Variants in PTPRT observed in about 807,000 individuals in gnomAD.
PTPRT encodes receptor-type tyrosine-protein phosphatase T.
A neutral mutation model predicts 176.8 loss-of-function variants in PTPRT; 56 were observed. The observed-to-expected ratio is 0.32, with a 90% CI of 0.26 to 0.40. The LOEUF (loss-of-function observed/expected upper bound fraction) is 0.40. PTPRT is among the 10% of genes least tolerant of loss of function. The pLI, the probability that PTPRT is intolerant of heterozygous loss-of-function variation, is 1.00. For missense variants in PTPRT, 1,540 were observed against 1,908.2 expected, an observed-to-expected ratio of 0.81 and a Z score of 3.60; for synonymous variants, 783 against 739.0, an observed-to-expected ratio of 1.06 and a Z score of -0.96.
chr20:42,511,018 G>A (rs1017736548), intron 7 of PTPRT, among the ~76,000 whole-genome samples: 2 of 151,988 alleles, frequency 1.3e-5, no homozygotes, highest in African/African-American at 4.8e-5. Context: ...TGGATTAAGG[G>A]GTTATCATGG....
intron 5 of PTPRT, among the ~76,000 whole-genome samples, chr20:42,767,653 T>C (rs2077001316): frequency 6.8e-6 from 1 of 147,970 alleles, no homozygotes; most frequent in South Asian, 2.1e-4. Flanking sequence ...AAATATATAT[T>C]AATATATACT....
In PTPRT at chr20:43,020,123, TATATAC is replaced by T. The variant is rs1168004642; in HGVS notation, c.89-134197_89-134192del. Among the ~76,000 whole-genome samples the T allele has an allele frequency of 8.3e-3, 1,146 of 137,928 alleles. 8 individuals carry two copies. Among genetic ancestry groups the T allele is most frequent in the African/African-American group, 0.031 (954 of 31,144 alleles). The allele number at this position is 137,928 out of a possible 152,430, so 90.5% of individuals were successfully genotyped here. A position where few individuals can be genotyped will look rare whatever the true frequency, so the allele number is the denominator to read the frequency against. On this transcript the variant is annotated intron_variant, in intron 1 of 30. Transcript: ENST00000373187. ...GTGTGTGTGTGTGTATATATATATA[TATATAC>T]ATATGCATGTGTGTGTACATATGTG...
intron 1 of PTPRT, among the ~76,000 whole-genome samples, chr20:43,181,987 A>G (rs546043519): frequency 6.6e-6 from 1 of 152,330 alleles, no homozygotes; most frequent in African/African-American, 2.4e-5. Context: ...ACAGTCAATC[A>G]GAGGAAGTCA....
chr20:43,166,539 A>T (rs1156515299), intron 1 of PTPRT, among the ~76,000 whole-genome samples: 1 of 152,124 alleles, frequency 6.6e-6, no homozygotes, highest in Non-Finnish European at 1.5e-5. Flanking sequence ...TTCCTTTCAC[A>T]AGTGAAGTCA....
intron 14 of PTPRT, among the ~76,000 whole-genome samples, chr20:42,242,267 T>C (rs1432304803): frequency 6.6e-6 from 1 of 152,222 alleles, no homozygotes; most frequent in Non-Finnish European, 1.5e-5. Context: ...TTTAGGTCTG[T>C]TCTCTGAGTG....
intron 29 of PTPRT, 82 bp downstream of exon 29, chr20:42,084,599 TG>T: frequency 8.1e-7 from 1 of 1,234,658 alleles, no homozygotes; most frequent in Admixed American, 3.3e-5. Flanking sequence ...TGCCTAGGAC[TG>T]GGGTATGTGG....
At chr20:42,953,928 T>C (rs1981439371) in intron 1 of PTPRT, among the ~76,000 whole-genome samples, 1 of 152,126 alleles carries the variant, frequency 6.6e-6, no homozygotes, top group South Asian at 2.1e-4. Flanking sequence ...ATCCCCAGAA[T>C]GGCCATATAT....
At chr20:43,127,172 C>T (rs2013472217) in intron 1 of PTPRT, among the ~76,000 whole-genome samples, 1 of 152,004 alleles carries the variant, frequency 6.6e-6, no homozygotes, top group Non-Finnish European at 1.5e-5. Flanking sequence ...ACCTGTAATC[C>T]CAGCACTTTG....
rs2071632366 is a variant in PTPRT, at chr20:42,495,201, TG to T, written c.1154-22640del. ...AGAGATGTGAGCTATCCAGACCCAA[TG>T]GCAAAAGATAATCCAGGAAAGTGCT... is the stretch of plus-strand genomic sequence containing the variant. On this transcript the variant is annotated intron_variant, in intron 7 of 30. Transcript: ENST00000373187. Among the ~76,000 whole-genome samples the T allele has an allele frequency of 2.6e-5, 4 of 152,306 alleles. No homozygotes were observed. The South Asian group carries it at 8.3e-4, about 32-fold the overall frequency.
Position 42,506,358 on chromosome 20 carries a change from C to T in PTPRT, c.1154-33796G>A, listed in dbSNP as rs184986473. ...TTTCTCATCCACACACTTCAATAAG[C>T]ATAGCCCTATAGACCCTCTCAGGTG... On this transcript the variant is annotated intron_variant, in intron 7 of 30. Transcript: ENST00000373187. Among the ~76,000 whole-genome samples, 457 of 152,304 alleles carry T rather than the reference C, an allele frequency of 3.0e-3. 3 individuals are homozygous for T. Among genetic ancestry groups the T allele is most frequent in the African/African-American group, 0.01 (422 of 41,588 alleles).
chr20:42,627,059 G>A (rs548404639), intron 7 of PTPRT, among the ~76,000 whole-genome samples: 1 of 152,224 alleles, frequency 6.6e-6, no homozygotes, highest in Non-Finnish European at 1.5e-5. Context: ...TCTGAATAAT[G>A]AACATACTGC....
At chr20:42,888,520 A>G (rs2079139630) in intron 1 of PTPRT, among the ~76,000 whole-genome samples, 2 of 152,238 alleles carry the variant, frequency 1.3e-5, no homozygotes, top group South Asian at 4.1e-4. Flanking sequence ...CTGAGGGGAT[A>G]AATGACCTGC....
intron 1 of PTPRT, among the ~76,000 whole-genome samples, chr20:42,941,770 G>T (rs1307642882): frequency 6.6e-6 from 1 of 152,130 alleles, no homozygotes; most frequent in Non-Finnish European, 1.5e-5. Context: ...ACTCCTTGAG[G>T]TTAGGAAAGG....
At chr20:42,366,444 G>A (rs1044645734) in intron 9 of PTPRT, among the ~76,000 whole-genome samples, 16 of 152,284 alleles carry the variant, frequency 1.1e-4, no homozygotes, top group African/African-American at 3.1e-4. Context: ...TTCCCATCTC[G>A]TGGCTTCCCA....
At chr20:42,219,919 G>C (rs2146782971) in intron 15 of PTPRT, among the ~76,000 whole-genome samples, 1 of 152,190 alleles carries the variant, frequency 6.6e-6, no homozygotes, top group South Asian at 2.1e-4. Context: ...GCACATATTG[G>C]GCACTGCTAA....
chr20:42,541,739 T>G (rs2072585090), intron 7 of PTPRT, among the ~76,000 whole-genome samples: 1 of 151,190 alleles, frequency 6.6e-6, no homozygotes, highest in African/African-American at 2.5e-5. Context: ...TTTATACACT[T>G]GGAGAGAAGG....
chr20:42,452,161 C>T (rs868426607), intron 8 of PTPRT, among the ~76,000 whole-genome samples: 9 of 151,478 alleles, frequency 5.9e-5, no homozygotes, highest in South Asian at 2.1e-4. Flanking sequence ...TCCAGCTACT[C>T]GAGAGGCTGA....
At chr20:42,345,852 A>T (rs2058187077) in intron 11 of PTPRT, among the ~76,000 whole-genome samples, 1 of 152,148 alleles carries the variant, frequency 6.6e-6, no homozygotes. Context: ...GGCAGACGGA[A>T]ATGAAAGGAA....
At chr20:42,228,241 A>G (rs1180527483) in intron 15 of PTPRT, among the ~76,000 whole-genome samples, 1 of 152,250 alleles carries the variant, frequency 6.6e-6, no homozygotes, top group Non-Finnish European at 1.5e-5. Flanking sequence ...TAAAACTTAA[A>G]CTTAGGTATA....
Sources: allele counts gnomAD v4.1 joint callset (sites outside exome capture counted in the v4.1 genomes callset), GRCh38; gene constraint gnomAD v4.1.1; transcripts MANE v1.5; gene names NCBI Gene and HGNC (gene_info 2026-07-23, HGNC 2026-07-21).